Variants in DIAPH2 observed in about 807,000 individuals in gnomAD.
DIAPH2 encodes protein diaphanous homolog 2.
Under a neutral mutation model 92.7 loss-of-function variants are expected in DIAPH2, and 35 were observed. The observed-to-expected ratio is 0.38, with a 90% CI of 0.29 to 0.50. The LOEUF (loss-of-function observed/expected upper bound fraction) is 0.50. DIAPH2 is among the 20% of genes least tolerant of loss of function. The pLI is 0.94. For synonymous variants in DIAPH2, 301 were observed against 280.4 expected (o/e 1.07, Z -0.73); for missense variants, 701 against 819.5 (o/e 0.86, Z 1.77).
At chrX:97,239,913 C>T (rs1015601911) in intron 22 of DIAPH2, among the ~76,000 whole-genome samples, 2 of 108,750 alleles carry the variant, frequency 1.8e-5, no homozygotes, top group African/African-American at 3.3e-5. Context: ...GCACCCCCTA[C>T]CTGAGAAATA....
At chrX:97,521,630 C>T (rs1351177151) in intron 26 of DIAPH2, among the ~76,000 whole-genome samples, 2 of 111,123 alleles carry the variant, frequency 1.8e-5, no homozygotes, top group Non-Finnish European at 3.8e-5. Flanking sequence ...AGTATGTTCT[C>T]AGGAGATCTG....
chrX:96,836,322 G>T (rs1048758265), intron 4 of DIAPH2, among the ~76,000 whole-genome samples: 1 of 109,316 alleles, frequency 9.1e-6, no homozygotes, highest in African/African-American at 3.3e-5. Context: ...ATGATTTAGA[G>T]AACTTTTGTT....
chrX:96,828,142 C>T (rs1471704035), intron 4 of DIAPH2, among the ~76,000 whole-genome samples: 1 of 111,855 alleles, frequency 8.9e-6, no homozygotes, highest in Non-Finnish European at 1.9e-5. Flanking sequence ...CCCAGGAATA[C>T]CCTGGAATCC....
Position 97,314,419 on chromosome X carries a change from T to A in DIAPH2, c.2845-33697T>A, listed in dbSNP as rs200740158. ...CAGAGTGAGATTCTGTCTCAAAAAA[T>A]AATAATAATAATGGTATGAGGCCAG... is the stretch of plus-strand genomic sequence containing the variant. On this transcript the variant is annotated intron_variant, in intron 23 of 26. Coordinates refer to ENST00000324765, the MANE Select transcript of DIAPH2 (RefSeq NM_006729.5). Among the ~76,000 whole-genome samples the A allele has an allele frequency of 7.3e-5, 8 of 110,256 alleles. No individual in the cohort carries two copies. The East Asian group carries it at 2.3e-3, about 31-fold the overall frequency.
chrX:97,240,000 T>C (rs769029258), intron 22 of DIAPH2, among the ~76,000 whole-genome samples: 23 of 111,105 alleles, frequency 2.1e-4, no homozygotes, highest in African/African-American at 6.5e-4. Context: ...CTCTTAAGAT[T>C]GAGGCAAATG....
intron 4 of DIAPH2, among the ~76,000 whole-genome samples, chrX:96,803,226 T>G (rs899867465): frequency 1.8e-5 from 2 of 111,824 alleles, no homozygotes; most frequent in African/African-American, 6.5e-5. Flanking sequence ...TAGATTAATT[T>G]ACACCCCTAC....
At chrX:97,388,779 T>G (rs940782342) in intron 25 of DIAPH2, among the ~76,000 whole-genome samples, 24 of 111,787 alleles carry the variant, frequency 2.1e-4, no homozygotes, top group Non-Finnish European at 4.1e-4. Flanking sequence ...AATTATCGAT[T>G]GATTCAATTA....
chrX:96,938,937 A>G (rs746696619), intron 11 of DIAPH2, among the ~76,000 whole-genome samples: 1 of 111,841 alleles, frequency 8.9e-6, no homozygotes. Flanking sequence ...CAGGGAGATC[A>G]AAAGGAAACC....
At chrX:97,597,691 G>C (rs1161638814) in intron 26 of DIAPH2, among the ~76,000 whole-genome samples, 1 of 111,934 alleles carries the variant, frequency 8.9e-6, no homozygotes, top group East Asian at 2.8e-4. Flanking sequence ...TTTCTAAGAA[G>C]TAGAAAACCA....
intron 17 of DIAPH2, among the ~76,000 whole-genome samples, chrX:97,034,521 C>A (rs1322748161): frequency 3.7e-5 from 4 of 107,370 alleles, no homozygotes; most frequent in Non-Finnish European, 5.8e-5. Flanking sequence ...AAAAAAAAGT[C>A]AAAAACTTCA....
chrX:96,925,604 G>T, intron 9 of DIAPH2, among the ~76,000 whole-genome samples: 1 of 110,960 alleles, frequency 9.0e-6, no homozygotes, highest in Non-Finnish European at 1.9e-5. Flanking sequence ...TTGTCTTTCT[G>T]AAATGCTTTT....
At chrX:97,328,199 C>T (rs1240828754) in intron 23 of DIAPH2, among the ~76,000 whole-genome samples, 1 of 111,427 alleles carries the variant, frequency 9.0e-6, no homozygotes, top group Non-Finnish European at 1.9e-5. Context: ...CTTTGGGAGG[C>T]TGAGGCAGGT....
At chrX:96,926,286 C>T (rs1255072222) in intron 9 of DIAPH2, among the ~76,000 whole-genome samples, 1 of 94,213 alleles carries the variant, frequency 1.1e-5, no homozygotes, top group Non-Finnish European at 2.2e-5. Context: ...CTTTCTCTGT[C>T]ACTTAGGTAA....
intron 22 of DIAPH2, among the ~76,000 whole-genome samples, chrX:97,145,057 A>G (rs780712709): frequency 1.8e-5 from 2 of 111,903 alleles, no homozygotes; most frequent in East Asian, 2.8e-4. Flanking sequence ...GAGCCACCGC[A>G]CCAGGCCTGA....
At chrX:96,892,428 G>A (rs764735917) in intron 5 of DIAPH2, among the ~76,000 whole-genome samples, 6 of 111,535 alleles carry the variant, frequency 5.4e-5, no homozygotes, top group South Asian at 3.7e-4. Context: ...CATACAATAC[G>A]AAATGGTAAA....
At chrX:97,162,131 A>G (rs2067378757) in intron 22 of DIAPH2, among the ~76,000 whole-genome samples, 1 of 111,123 alleles carries the variant, frequency 9.0e-6, no homozygotes, top group South Asian at 3.9e-4. Flanking sequence ...TTATCTTCCA[A>G]TGCACTAATT....
intron 26 of DIAPH2, among the ~76,000 whole-genome samples, chrX:97,587,756 CT>C (rs1182200543): frequency 8.9e-6 from 1 of 112,065 alleles, no homozygotes; most frequent in African/African-American, 3.2e-5. Context: ...TGGAATTTGG[CT>C]CTCACAATAT....
intron 17 of DIAPH2, among the ~76,000 whole-genome samples, chrX:96,999,586 G>C (rs1177728028): frequency 9.1e-6 from 1 of 109,737 alleles, no homozygotes; most frequent in African/African-American, 3.3e-5. Context: ...CATGGCTTAA[G>C]TGTGTCTATG....
chrX:96,981,721 G>A (rs759646053), intron 17 of DIAPH2, among the ~76,000 whole-genome samples: 2 of 111,515 alleles, frequency 1.8e-5, no homozygotes, highest in African/African-American at 6.5e-5. Context: ...CTGTGTTTAC[G>A]ACATAAACAA....
Sources: gnomAD v4.1 joint callset for allele counts (sites outside exome capture counted in the v4.1 genomes callset) on GRCh38, gnomAD v4.1.1 for gene constraint, MANE v1.5 for transcripts, NCBI Gene and HGNC (gene_info 2026-07-23, HGNC 2026-07-21) for gene names.